KANK1: variants seen among roughly 807,000 people sequenced by gnomAD.
The protein encoded by KANK1 is KN motif and ankyrin repeat domain-containing protein 1.
In KANK1, 109 loss-of-function variants were observed where a neutral mutation model predicts 106.2. The observed-to-expected ratio is 1.03, with a 90% CI of 0.88 to 1.20. The LOEUF is 1.20. Among genes scored for constraint, KANK1 ranks in the 50% most tolerant of loss-of-function variants. The pLI, the probability that KANK1 is intolerant of heterozygous loss-of-function variation, is 0.00. For synonymous variants in KANK1, 873 were observed against 652.2 expected, an observed-to-expected ratio of 1.34 and a Z score of -5.16; for missense variants, 2,399 against 1,710.7, an observed-to-expected ratio of 1.40 and a Z score of -7.10.
intron 2 of KANK1, among the ~76,000 whole-genome samples, chr9:703,691 C>T (rs1248843123): frequency 6.6e-6 from 1 of 151,830 alleles, no homozygotes; most frequent in Non-Finnish European, 1.5e-5. Context: ...TCTTTATAAC[C>T]CAGGTAGATT....
chr9:554,368 C>T (rs58774558), intron 1 of KANK1, among the ~76,000 whole-genome samples: 1 of 152,084 alleles, frequency 6.6e-6, no homozygotes, highest in East Asian at 1.9e-4. Context: ...TGCCTTTCCT[C>T]TCCCTTTTTG....
chr9:503,098 C>G (rs553094241), upstream of KANK1, among the ~76,000 whole-genome samples: 3 of 149,112 alleles, frequency 2.0e-5, no homozygotes, highest in African/African-American at 7.4e-5. Flanking sequence ...CTCGGCCTCC[C>G]AAAGTGTGAG....
intron 1 of KANK1, among the ~76,000 whole-genome samples, chr9:524,510 G>T (rs893166598): frequency 6.6e-6 from 1 of 151,562 alleles, no homozygotes; most frequent in Admixed American, 6.6e-5. Flanking sequence ...GTCACTTATT[G>T]TGGGGTTTTT....
chr9:477,526 G>A (rs575169547), intron 3 of KANK1, among the ~76,000 whole-genome samples: 2 of 152,270 alleles, frequency 1.3e-5, no homozygotes, highest in African/African-American at 4.8e-5. Context: ...AGAAAAGATG[G>A]GGTGTTTTTC....
At chr9:714,631 T>A (rs1314454597) in intron 3 of KANK1, among the ~76,000 whole-genome samples, 1 of 152,176 alleles carries the variant, frequency 6.6e-6, no homozygotes, top group Admixed American at 6.5e-5. Context: ...GTGCTGGGAT[T>A]ACAGACATGA....
At chr9:726,750 A>G (rs563059677) in intron 3 of KANK1, among the ~76,000 whole-genome samples, 1 of 152,122 alleles carries the variant, frequency 6.6e-6, no homozygotes, top group East Asian at 1.9e-4. Flanking sequence ...TCCTGAGGTC[A>G]CAAGTTCAAG....
intron 2 of KANK1, chr9:677,635 C>T (rs574539819): frequency 6.6e-6 from 1 of 152,184 alleles, no homozygotes; most frequent in African/African-American, 2.4e-5. Context: ...AGACACATCA[C>T]CATAGGGACA....
chr9:659,631 G>C (rs924591865), intron 1 of KANK1, among the ~76,000 whole-genome samples: 1 of 152,128 alleles, frequency 6.6e-6, no homozygotes, highest in African/African-American at 2.4e-5. Flanking sequence ...GGAAGCGTCA[G>C]GAAACTTACA....
intron 1 of KANK1, among the ~76,000 whole-genome samples, chr9:603,360 A>G (rs954592474): frequency 1.3e-5 from 2 of 151,906 alleles, no homozygotes; most frequent in African/African-American, 2.4e-5. Flanking sequence ...CTTTGCAGCA[A>G]TAAGAACTTG....
intron 1 of KANK1, among the ~76,000 whole-genome samples, chr9:629,309 C>G (rs1374572788): frequency 6.6e-6 from 1 of 152,062 alleles, no homozygotes; most frequent in South Asian, 2.1e-4. Flanking sequence ...TGATCACCTG[C>G]TAAGACAAAA....
chr9:603,570 C>T (rs1408827747), intron 1 of KANK1, among the ~76,000 whole-genome samples: 1 of 151,768 alleles, frequency 6.6e-6, no homozygotes, highest in Non-Finnish European at 1.5e-5. Context: ...CTAAAATCAT[C>T]TTTTTCCTTA....
Position 713,181 on chromosome 9 carries a change from G to T in KANK1, c.2415G>T (p.Gly805=). 2 of 1,585,156 alleles carry T rather than the reference G, an allele frequency of 1.3e-6. No individual in the cohort carries two copies. Among genetic ancestry groups the T allele is most frequent in the Non-Finnish European group, 1.7e-6 (2 of 1,165,786 alleles). ...RSVGVGDDPV[G]ESLENPQPQA... is the part of the protein sequence containing the mutation. ...TGGGGGTTGGGGATGACCCTGTAGG[G>T]GAATCTCTGGAGAACCCCCAGCCTC... The change falls in exon 3 of 12, where the codon GGG becomes GGT. Residue 805 remains glycine (G), a synonymous_variant. Transcript: ENST00000382297.
intron 3 of KANK1, among the ~76,000 whole-genome samples, chr9:725,496 C>CAA (rs34245303): frequency 0.029 from 3,377 of 116,644 alleles, 79 homozygotes; most frequent in Middle Eastern, 0.031. Flanking sequence ...GACTCTGTCT[C>CAA]AAAAAAAAAA....
chr9:613,979 T>A (rs1831184943), intron 1 of KANK1, among the ~76,000 whole-genome samples: 1 of 152,142 alleles, frequency 6.6e-6, no homozygotes, highest in African/African-American at 2.4e-5. Context: ...CCCCTCTTAT[T>A]TGAGGCCGGG....
chr9:622,295 G>T (rs1327209245), intron 1 of KANK1, among the ~76,000 whole-genome samples: 1 of 152,182 alleles, frequency 6.6e-6, no homozygotes, highest in African/African-American at 2.4e-5. Flanking sequence ...CTTAAGCGCT[G>T]TGTGTTGGGG....
chr9:570,357 A>G (rs560194420), intron 1 of KANK1, among the ~76,000 whole-genome samples: 6 of 152,332 alleles, frequency 3.9e-5, no homozygotes, highest in Admixed American at 1.3e-4. Flanking sequence ...GTGTTGAGAT[A>G]AGAGAGGTTT....
At chr9:549,155 C>T (rs2061117077) in intron 1 of KANK1, 1 of 151,716 alleles carries the variant, frequency 6.6e-6, no homozygotes, top group Non-Finnish European at 1.5e-5. Context: ...TTCACCTTCT[C>T]TGATTTTATT....
chr9:734,396 T>C (rs1249879268), intron 6 of KANK1: 2 of 196,696 alleles, frequency 1.0e-5, no homozygotes, highest in Admixed American at 5.3e-5. Flanking sequence ...AGCTGCGCAG[T>C]GTCCCACCCC....
intron 1 of KANK1, among the ~76,000 whole-genome samples, chr9:625,820 G>A (rs10122327): frequency 0.1 from 15,429 of 152,076 alleles, 2,095 homozygotes; most frequent in African/African-American, 0.3. Flanking sequence ...CTTAAAGTCT[G>A]TGACAGTTTA....
Sources: allele counts gnomAD v4.1 joint callset (sites outside exome capture counted in the v4.1 genomes callset), GRCh38; gene constraint gnomAD v4.1.1; transcripts MANE v1.5; gene names NCBI Gene and HGNC (gene_info 2026-07-23, HGNC 2026-07-21).